HNMT: variants seen among roughly 807,000 people sequenced by gnomAD.
The protein encoded by HNMT is histamine N-methyltransferase.
Under a neutral mutation model 32.1 loss-of-function variants are expected in HNMT, and 30 were observed. The observed-to-expected ratio is 0.93, with a 90% CI of 0.70 to 1.27. The LOEUF is 1.27. Among genes scored for constraint, HNMT ranks in the 50% most tolerant of loss-of-function variants. The pLI is 0.00. For synonymous variants in HNMT, 125 were observed against 119.0 expected, an observed-to-expected ratio of 1.05 and a Z score of -0.33; for missense variants, 327 against 346.0, an observed-to-expected ratio of 0.95 and a Z score of 0.43.
chr2:138,004,622 T>C (rs183426255), intron 4 of HNMT, among the ~76,000 whole-genome samples: 42 of 152,192 alleles, frequency 2.8e-4, no homozygotes, highest in African/African-American at 8.7e-4. Flanking sequence ...TAGTCCAACT[T>C]CCTACAGAAT....
chr2:138,008,889 A>T (rs1681412114), intron 5 of HNMT, among the ~76,000 whole-genome samples: 1 of 151,968 alleles, frequency 6.6e-6, no homozygotes. Context: ...TAAAATCAAT[A>T]AAAACATTGG....
chr2:137,986,863 T>C (rs571130016), intron 2 of HNMT, among the ~76,000 whole-genome samples: 40 of 152,312 alleles, frequency 2.6e-4, no homozygotes, highest in African/African-American at 9.4e-4. Context: ...GTGTATCCCA[T>C]TGATTTATGC....
At chr2:137,988,581 C>T (rs1302280911) in intron 2 of HNMT, 2 of 151,950 alleles carry the variant, frequency 1.3e-5, no homozygotes, top group Non-Finnish European at 2.9e-5. Context: ...GGATTATATA[C>T]ATCTTTTTGT....
intron 2 of HNMT, among the ~76,000 whole-genome samples, chr2:137,971,933 G>A (rs902275740): frequency 1.1e-4 from 16 of 151,872 alleles, no homozygotes; most frequent in Admixed American, 3.3e-4. Context: ...GTTACAACTC[G>A]ATATCAAGTG....
intron 2 of HNMT, among the ~76,000 whole-genome samples, chr2:137,970,939 AAGAAAGAAAG>A (rs1558951040): frequency 0.12 from 839 of 7,210 alleles, 99 homozygotes; most frequent in Middle Eastern, 0.5. Flanking sequence ...AAAAAAAAGA[AAGAAAGAAAG>A]AAAGAAAGAA....
chr2:137,965,752 T>C (rs1190014955), intron 1 of HNMT, among the ~76,000 whole-genome samples: 1 of 152,200 alleles, frequency 6.6e-6, no homozygotes, highest in Non-Finnish European at 1.5e-5. Flanking sequence ...AGGTAATGAG[T>C]TAATTTCTCA....
chr2:137,984,755 A>T (rs1399242308), intron 2 of HNMT, among the ~76,000 whole-genome samples: 1 of 152,192 alleles, frequency 6.6e-6, no homozygotes, highest in Non-Finnish European at 1.5e-5. Context: ...TAAGTTTGAC[A>T]TAGGGAAATT....
At chr2:138,008,630 C>T (rs2198654) in intron 5 of HNMT, among the ~76,000 whole-genome samples, 2,914 of 152,072 alleles carry the variant, frequency 0.019, 95 homozygotes, top group African/African-American at 0.066. Context: ...CGCACACCTA[C>T]GACCATCTGA....
intron 4 of HNMT, among the ~76,000 whole-genome samples, chr2:138,004,366 G>C (rs139534155): frequency 1.6e-3 from 239 of 152,122 alleles, no homozygotes; most frequent in Non-Finnish European, 2.7e-3. Context: ...ATTCTCTAAG[G>C]ACAGGCTATA....
intron 1 of HNMT, among the ~76,000 whole-genome samples, chr2:137,969,178 T>C (rs531975201): frequency 1.7e-4 from 26 of 152,298 alleles, no homozygotes; most frequent in African/African-American, 5.5e-4. Context: ...TACCTCTCTG[T>C]GCTTTATTTC....
chr2:137,978,669 G>A (rs959006793), intron 2 of HNMT, among the ~76,000 whole-genome samples: 1 of 137,184 alleles, frequency 7.3e-6, no homozygotes, highest in Non-Finnish European at 1.5e-5. Flanking sequence ...CATATGATTA[G>A]ATAATATAGT....
chr2:138,006,407 A>C lies in HNMT; in HGVS notation c.523+1182A>C, dbSNP rs367815381. Among the ~76,000 whole-genome samples, 5 of 152,154 alleles carry C rather than the reference A, an allele frequency of 3.3e-5. No homozygotes were observed. In the East Asian group the frequency reaches 7.7e-4, roughly 23 times the overall value. ...AGAAGTCATGTATTTTTTATCTTAG[A>C]ATATATTTCATCTCAATAGTAGGTC... On this transcript the variant is annotated intron_variant, in intron 5 of 5. Coordinates refer to ENST00000280097, the MANE Select transcript of HNMT (RefSeq NM_006895.3).
intron 2 of HNMT, among the ~76,000 whole-genome samples, chr2:137,986,989 T>G (rs546932335): frequency 2.0e-5 from 3 of 152,324 alleles, no homozygotes; most frequent in Non-Finnish European, 4.4e-5. Context: ...TTTGCCTTGC[T>G]ATTCACAGAA....
chr2:137,971,266 A>G (rs1680127826), intron 2 of HNMT, among the ~76,000 whole-genome samples: 1 of 150,608 alleles, frequency 6.6e-6, no homozygotes, highest in East Asian at 2.0e-4. Context: ...TGCAACCTCC[A>G]CCTCCCGGGT....
intron 2 of HNMT, among the ~76,000 whole-genome samples, chr2:137,983,248 CTCT>C (rs1680557036): frequency 6.6e-6 from 1 of 152,138 alleles, no homozygotes; most frequent in South Asian, 2.1e-4. Context: ...GTATTTCCTG[CTCT>C]TCTTCTTGGA....
intron 2 of HNMT, among the ~76,000 whole-genome samples, chr2:137,987,708 C>G (rs1187485510): frequency 7.2e-6 from 1 of 139,364 alleles, no homozygotes; most frequent in Admixed American, 7.8e-5. Context: ...GATTAATGAT[C>G]AAATCAGCTC....
intron 1 of HNMT, chr2:137,967,740 CA>C (rs1680003283): frequency 6.6e-6 from 1 of 152,164 alleles, no homozygotes; most frequent in East Asian, 1.9e-4. Flanking sequence ...CAGTTTGCTA[CA>C]ACTTTCCTCT....
At position 138,010,439 on chromosome 2, in the gene HNMT, ACG is replaced by A. The variant is rs1553435873; in HGVS notation, c.524-3334_524-3333del. Among the ~76,000 whole-genome samples the A allele has an allele frequency of 7.6e-3, 732 of 95,966 alleles. 8 individuals are homozygous for A. Among genetic ancestry groups the A allele is most frequent in the South Asian group, 0.051 (148 of 2,922 alleles). 63.0% of individuals were successfully genotyped at this position (95,966 alleles called of 152,430 possible). ...ATAAAAGGCTCAATAAAAAAGACAC[ACG>A]CACACACACACACACACACACACAC... On this transcript the variant is annotated intron_variant, in intron 5 of 5. Transcript: ENST00000280097.
intron 5 of HNMT, among the ~76,000 whole-genome samples, chr2:138,009,054 A>G (rs1190702418): frequency 1.3e-5 from 2 of 152,052 alleles, no homozygotes; most frequent in African/African-American, 2.4e-5. Flanking sequence ...TAAATTTACA[A>G]GAGAGAAACA....
Sources: allele counts gnomAD v4.1 joint callset (sites outside exome capture counted in the v4.1 genomes callset), GRCh38; gene constraint gnomAD v4.1.1; transcripts MANE v1.5; gene names NCBI Gene and HGNC (gene_info 2026-07-23, HGNC 2026-07-21).